Variants in HOMER2 observed in about 807,000 individuals in gnomAD.
The protein encoded by HOMER2 is homer scaffold protein 2, also known as homer protein homolog 2.
Under a neutral mutation model 47.0 loss-of-function variants are expected in HOMER2, and 27 were observed. The observed-to-expected ratio is 0.57, with a 90% confidence interval of 0.42 to 0.79. The LOEUF (loss-of-function observed/expected upper bound fraction) is 0.79, where lower values mean the gene tolerates loss of function less well. Among genes scored for constraint, HOMER2 ranks in the 30% least tolerant of loss-of-function variants. The pLI, the probability that HOMER2 is intolerant of heterozygous loss-of-function variation, is 0.00. For missense variants in HOMER2, 443 were observed against 435.0 expected (o/e 1.02, Z -0.16); for synonymous variants, 161 against 163.8 (o/e 0.98, Z 0.13).
intron 5 of HOMER2, among the ~76,000 whole-genome samples, chr15:82,856,369 T>C (rs993055971): frequency 6.6e-6 from 1 of 152,112 alleles, no homozygotes. Flanking sequence ...TCCCAGCACT[T>C]TGGGAGGCCA....
intron 1 of HOMER2, among the ~76,000 whole-genome samples, chr15:82,929,110 A>G (rs1596362440): frequency 6.6e-6 from 1 of 152,062 alleles, no homozygotes; most frequent in Non-Finnish European, 1.5e-5. Context: ...GTGTGTCAAG[A>G]TTAGTATCAA....
At chr15:82,861,065 A>T (rs1219536041) in intron 4 of HOMER2, among the ~76,000 whole-genome samples, 1 of 152,218 alleles carries the variant, frequency 6.6e-6, no homozygotes, top group Non-Finnish European at 1.5e-5. Context: ...TTCATCTGTC[A>T]AATTAACAAA....
intron 1 of HOMER2, among the ~76,000 whole-genome samples, chr15:82,895,696 C>T (rs1789513578): frequency 1.3e-5 from 2 of 152,102 alleles, no homozygotes; most frequent in South Asian, 2.1e-4. Flanking sequence ...GGGAAGGGAC[C>T]CAGACTTTCA....
In HOMER2 at chr15:82,849,745, T is replaced by C; in HGVS notation, c.1002A>G (p.Arg334=). ...TATCGGTGCCCAGCTTGGAGAGCCC[T>C]CGGCGGAAGTCATGCAGGTCGTCAA... ...GKIDDLHDFR[R]GLSKLGTDN is the part of the protein sequence containing the mutation. The change falls in exon 9 of 9, where the codon CGA becomes CGG. Residue 334 remains arginine, a synonymous_variant. Coordinates refer to ENST00000450735, the MANE Select transcript of HOMER2 (RefSeq NM_004839.4). 6.2e-7 allele frequency: 1 copy of C among 1,613,688 alleles called. No individual in the cohort carries two copies. The highest frequency in any genetic ancestry group is 1.1e-5 in the South Asian group (1 of 91,050).
At chr15:82,930,901 C>T (rs963609256) in intron 1 of HOMER2, among the ~76,000 whole-genome samples, 1 of 151,328 alleles carries the variant, frequency 6.6e-6, no homozygotes, top group Non-Finnish European at 1.5e-5. Flanking sequence ...TGGCGGGCAC[C>T]TGTAATCCCA....
intron 2 of HOMER2, among the ~76,000 whole-genome samples, chr15:82,890,547 C>T (rs1356845230): frequency 6.6e-6 from 1 of 152,166 alleles, no homozygotes; most frequent in Non-Finnish European, 1.5e-5. Flanking sequence ...GCCTACCCTC[C>T]CACACCCATC....
intron 1 of HOMER2, among the ~76,000 whole-genome samples, chr15:82,901,313 G>C (rs1810217395): frequency 6.6e-6 from 1 of 152,186 alleles, no homozygotes; most frequent in South Asian, 2.1e-4. Context: ...GGGGTGCAGA[G>C]GAGGAGGTAA....
At chr15:82,962,996 C>T (rs990456409) in intron 1 of HOMER2, among the ~76,000 whole-genome samples, 2 of 152,048 alleles carry the variant, frequency 1.3e-5, no homozygotes, top group Admixed American at 6.5e-5. Context: ...TGAGGCCTTG[C>T]CGGCTGGGCA....
intron 3 of HOMER2, among the ~76,000 whole-genome samples, chr15:82,874,062 T>G (rs2052265190): frequency 6.6e-6 from 1 of 152,238 alleles, no homozygotes; most frequent in Non-Finnish European, 1.5e-5. Context: ...AAGTCTGTTC[T>G]AGGCAACTCT....
intron 4 of HOMER2, among the ~76,000 whole-genome samples, chr15:82,862,412 G>A (rs1223111200): frequency 3.3e-5 from 5 of 152,098 alleles, no homozygotes; most frequent in Non-Finnish European, 5.9e-5. Flanking sequence ...AAGACTACTC[G>A]AGCCCAGGGG....
intron 1 of HOMER2, among the ~76,000 whole-genome samples, chr15:82,984,027 T>C (rs895762906): frequency 2.1e-5 from 3 of 144,660 alleles, no homozygotes; most frequent in African/African-American, 5.0e-5. Context: ...TATTCAATTA[T>C]TATTATTATT....
chr15:82,965,184 A>T (rs2054662357), intron 1 of HOMER2, among the ~76,000 whole-genome samples: 1 of 151,986 alleles, frequency 6.6e-6, no homozygotes, highest in African/African-American at 2.4e-5. Flanking sequence ...TACACCCGCT[A>T]ACTTTTGTAT....
intron 3 of HOMER2, among the ~76,000 whole-genome samples, chr15:82,865,605 TATA>T (rs1262772289): frequency 1.3e-5 from 2 of 152,204 alleles, no homozygotes; most frequent in African/African-American, 2.4e-5. Flanking sequence ...AAGCTTAAAA[TATA>T]ATGAGATAGG....
At chr15:82,950,419 G>A (rs543183858) in intron 1 of HOMER2, among the ~76,000 whole-genome samples, 31 of 152,112 alleles carry the variant, frequency 2.0e-4, no homozygotes, top group East Asian at 1.5e-3. Flanking sequence ...GAGCCATGAC[G>A]AAGCTGTAGG....
intron 2 of HOMER2, among the ~76,000 whole-genome samples, chr15:82,877,342 G>A (rs2052384595): frequency 6.6e-6 from 1 of 152,060 alleles, no homozygotes; most frequent in Non-Finnish European, 1.5e-5. Flanking sequence ...ACAAATTTTT[G>A]TATTTTTAGT....
At chr15:82,941,675 G>C (rs959922098) in intron 1 of HOMER2, among the ~76,000 whole-genome samples, 20 of 151,652 alleles carry the variant, frequency 1.3e-4, no homozygotes, top group Admixed American at 3.3e-4. Flanking sequence ...CCTATGGCTG[G>C]CTCCCTGCCA....
chr15:82,953,743 C>A (rs974377641), upstream of HOMER2, among the ~76,000 whole-genome samples: 6 of 152,074 alleles, frequency 3.9e-5, no homozygotes, highest in Non-Finnish European at 7.4e-5. Flanking sequence ...ATTAGCCGGG[C>A]GTGGAGACAG....
At chr15:82,900,695 T>G (rs1467435646) in intron 1 of HOMER2, among the ~76,000 whole-genome samples, 2 of 152,194 alleles carry the variant, frequency 1.3e-5, no homozygotes, top group Non-Finnish European at 2.9e-5. Flanking sequence ...TGCTCATTAG[T>G]GGAGACACAG....
At chr15:82,858,608 T>C (rs2051666295) in intron 5 of HOMER2, among the ~76,000 whole-genome samples, 1 of 152,072 alleles carries the variant, frequency 6.6e-6, no homozygotes, top group South Asian at 2.1e-4. Flanking sequence ...GAGTCAATGT[T>C]ATAGATAAAT....
Sources: allele counts gnomAD v4.1 joint callset (sites outside exome capture counted in the v4.1 genomes callset), GRCh38; gene constraint gnomAD v4.1.1; transcripts MANE v1.5; gene names NCBI Gene and HGNC (gene_info 2026-07-23, HGNC 2026-07-21).